The following MAT1A variants were observed in gnomAD, a reference collection of about 807,000 sequenced individuals.
MAT1A encodes S-adenosylmethionine synthase isoform type-1.
A neutral mutation model predicts 44.0 loss-of-function variants in MAT1A; 19 were observed. That is an observed-to-expected ratio of 0.43 (90% CI 0.30 to 0.63). MAT1A has a LOEUF of 0.63. Among genes scored for constraint, MAT1A ranks in the 30% least tolerant of loss-of-function variants. The pLI is 0.12. For missense variants in MAT1A, 397 were observed against 531.0 expected (o/e 0.75, Z 2.48); for synonymous variants, 205 against 205.6 (o/e 1.00, Z 0.03).
At chr10:80,286,092 G>T (rs943790194) in intron 1 of MAT1A, among the ~76,000 whole-genome samples, 1 of 152,176 alleles carries the variant, frequency 6.6e-6, no homozygotes, top group Non-Finnish European at 1.5e-5. Flanking sequence ...GCCTCTGAAA[G>T]TGCTGGGATT....
chr10:80,284,144 C>T (rs977107017), intron 2 of MAT1A, 106 bp from the exon 3 acceptor site: 2 of 1,440,736 alleles, frequency 1.4e-6, no homozygotes, highest in Non-Finnish European at 9.5e-7. Context: ...ACAGGAGGGG[C>T]CTTACGAGGA....
At chr10:80,280,354 G>A in intron 4 of MAT1A, 38 bp from the exon 5 acceptor site, 1 of 1,611,752 alleles carries the variant, frequency 6.2e-7, no homozygotes. Context: ...GCCCACCCTA[G>A]ACCAAGAGGA....
intron 2 of MAT1A, among the ~76,000 whole-genome samples, chr10:80,284,461 CA>C (rs935430580): frequency 6.6e-6 from 1 of 151,686 alleles, no homozygotes; most frequent in African/African-American, 2.4e-5. Context: ...GGATCTGGAC[CA>C]AAAAAAATCA....
Position 80,276,403 on chromosome 10 carries a change from A to G in MAT1A, c.741T>C (p.Ser247=), listed in dbSNP as rs2132702574. 1 of 1,614,142 alleles carries G rather than the reference A, an allele frequency of 6.2e-7. No homozygotes were observed. The highest frequency in any genetic ancestry group is 1.7e-5 in the Admixed American group (1 of 60,022). ...GGGGACCTCCGATGACAAACCGCCC[A>G]CTGGGCTGCAGGTGGTAGACGGTGT... ...DEDTVYHLQP[S]GRFVIGGPQG... is the part of the protein sequence containing the mutation. The change falls in exon 6 of 9, where the codon AGT becomes AGC. Residue 247 remains serine, a synonymous_variant. Coordinates refer to ENST00000372213, the MANE Select transcript of MAT1A (RefSeq NM_000429.3).
At chr10:80,284,312 T>G (rs533147217) in intron 2 of MAT1A, among the ~76,000 whole-genome samples, 29 of 152,338 alleles carry the variant, frequency 1.9e-4, no homozygotes, top group African/African-American at 6.5e-4. Flanking sequence ...CTCATCTATT[T>G]AATAAAGCTA....
At chr10:80,279,126 T>C (rs1056434973) in intron 5 of MAT1A, among the ~76,000 whole-genome samples, 1 of 152,118 alleles carries the variant, frequency 6.6e-6, no homozygotes, top group African/African-American at 2.4e-5. Flanking sequence ...AAACACTGAA[T>C]AGATGTTAGG....
intron 2 of MAT1A, among the ~76,000 whole-genome samples, chr10:80,284,821 T>G (rs1841620999): frequency 6.6e-6 from 1 of 152,222 alleles, no homozygotes; most frequent in African/African-American, 2.4e-5. Flanking sequence ...GGCAAAGGTT[T>G]TCCTGCCAAA....
rs1308023093 is a variant in MAT1A, at chr10:80,289,637, G to A, written c.-214C>T. The A allele has an allele frequency of 5.0e-6, 3 of 596,396 alleles. No homozygotes were observed. In the Admixed American group the frequency reaches 7.5e-5, roughly 15 times the overall value. The allele number at this position is 596,396 out of a possible 1,614,324, so 36.9% of individuals were successfully genotyped here. A position where few individuals can be genotyped will look rare whatever the true frequency, so the allele number is the denominator to read the frequency against. ...AGGGAGTGGATGGAACACGGGATGT[G>A]TCCCTCCCTCCAGCTTGCCACAGCT... is the stretch of plus-strand genomic sequence containing the variant. On this transcript the variant is annotated 5_prime_UTR_variant, in exon 1 of 9. Transcript: ENST00000372213.
intron 3 of MAT1A, among the ~76,000 whole-genome samples, chr10:80,283,507 C>T (rs1325442791): frequency 1.3e-5 from 2 of 152,264 alleles, no homozygotes; most frequent in African/African-American, 4.8e-5. Context: ...AGACTGTTTA[C>T]CCCTCTAGGC....
chr10:80,279,839 C>T (rs1430371783), intron 5 of MAT1A, among the ~76,000 whole-genome samples: 4 of 151,974 alleles, frequency 2.6e-5, no homozygotes, highest in African/African-American at 9.7e-5. Context: ...ACAGCCTGTT[C>T]AGGACAAAGA....
intron 5 of MAT1A, 46 bp downstream of exon 5, chr10:80,280,127 T>C (rs1484154347): frequency 6.2e-6 from 10 of 1,609,146 alleles, no homozygotes; most frequent in Non-Finnish European, 7.7e-6. Context: ...TTTGGGGGTA[T>C]TAAAGCTTCT....
intron 5 of MAT1A, 134 bp from the exon 6 acceptor site, chr10:80,276,728 G>T: frequency 1.2e-6 from 1 of 827,926 alleles, no homozygotes. Flanking sequence ...TTCAAAGGGT[G>T]TTGGGGGAGT....
At position 80,275,192 on chromosome 10, in the gene MAT1A, G is replaced by A. The variant is rs138556525; in HGVS notation, c.776C>T (p.Ala259Val). 10 of 1,611,962 alleles carry A rather than the reference G, an allele frequency of 6.2e-6. No homozygotes were observed. The highest frequency in any genetic ancestry group is 7.6e-6 in the Non-Finnish European group (9 of 1,179,146). Reference sequence around the variant, plus strand: ...AATAATCTTACGGCCAGTGACACCCGCATCCCCCTGCAGAGGGAGAGAAAT... The same window carrying A: ...AATAATCTTACGGCCAGTGACACCCACATCCCCCTGCAGAGGGAGAGAAAT... ...RFVIGGPQGDAGVTGRKIIVD... is the reference protein window; with the variant it reads ...RFVIGGPQGDVGVTGRKIIVD... Residue 259 changes from alanine to valine, a missense_variant, in exon 7 of 9, where the codon GCG (alanine) becomes GTG (valine). By Grantham distance (64) the Ala-to-Val change is moderately conservative. Transcript: ENST00000372213.
chr10:80,285,490 G>A (rs2132709615), intron 2 of MAT1A, 22 bp downstream of exon 2: 2 of 1,608,324 alleles, frequency 1.2e-6, no homozygotes, highest in Non-Finnish European at 8.5e-7. Context: ...TCTCCAGCAG[G>A]GAGGGATCGG....
At chr10:80,284,234 T>C (rs1841611505) in intron 2 of MAT1A, among the ~76,000 whole-genome samples, 196 bp from the exon 3 acceptor site, 1 of 152,192 alleles carries the variant, frequency 6.6e-6, no homozygotes, top group Non-Finnish European at 1.5e-5. Context: ...TCCAATGCTG[T>C]CTTGGAAAGA....
At chr10:80,287,651 C>T (rs116971035) in intron 1 of MAT1A, among the ~76,000 whole-genome samples, 2,574 of 152,286 alleles carry the variant, frequency 0.017, 30 homozygotes, top group Non-Finnish European at 0.027. Context: ...CCACTTCCTC[C>T]GGGTGGAGTG....
At chr10:80,289,046 T>C (rs1564648993) in intron 1 of MAT1A, among the ~76,000 whole-genome samples, 1 of 152,208 alleles carries the variant, frequency 6.6e-6, no homozygotes, top group African/African-American at 2.4e-5. Context: ...TACAGTCAGA[T>C]AGGAGGAATG....
chr10:80,282,433 C>G (rs1283347972), intron 3 of MAT1A, among the ~76,000 whole-genome samples: 1 of 152,232 alleles, frequency 6.6e-6, no homozygotes, highest in Non-Finnish European at 1.5e-5. Flanking sequence ...CGGCTGGGCT[C>G]TCGCTCATTT....
At chr10:80,278,125 A>G (rs982330756) in intron 5 of MAT1A, among the ~76,000 whole-genome samples, 2 of 152,164 alleles carry the variant, frequency 1.3e-5, no homozygotes, top group African/African-American at 4.8e-5. Context: ...GCCCCACAGC[A>G]AGTCTGCACC....
Sources: allele counts gnomAD v4.1 joint callset (sites outside exome capture counted in the v4.1 genomes callset), GRCh38; gene constraint gnomAD v4.1.1; transcripts MANE v1.5; gene names NCBI Gene and HGNC (gene_info 2026-07-23, HGNC 2026-07-21).